The following CDH18 variants were observed in gnomAD, a reference collection of about 807,000 sequenced individuals.
CDH18 encodes the protein cadherin-18.
Under a neutral mutation model 67.9 loss-of-function variants are expected in CDH18, and 31 were observed. The observed-to-expected ratio is 0.46, with a 90% CI of 0.34 to 0.62. The LOEUF (loss-of-function observed/expected upper bound fraction) is 0.62. CDH18 is among the 20% of genes least tolerant of loss of function. The pLI is 0.01. For missense variants in CDH18, 890 were observed against 975.5 expected, an observed-to-expected ratio of 0.91 and a Z score of 1.17; for synonymous variants, 362 against 347.2, an observed-to-expected ratio of 1.04 and a Z score of -0.48.
At chr5:20,417,441 T>C (rs1253311733) in intron 1 of CDH18, among the ~76,000 whole-genome samples, 1 of 152,188 alleles carries the variant, frequency 6.6e-6, no homozygotes, top group Non-Finnish European at 1.5e-5. Context: ...AACTAATATA[T>C]ATTTATGCTT....
chr5:19,604,162 C>A (rs1474440119), intron 6 of CDH18, among the ~76,000 whole-genome samples: 1 of 151,990 alleles, frequency 6.6e-6, no homozygotes, highest in Non-Finnish European at 1.5e-5. Flanking sequence ...AATATACTTT[C>A]TTTTCCTCCA....
chr5:20,007,222 T>C (rs1351061827), intron 2 of CDH18, among the ~76,000 whole-genome samples: 1 of 152,030 alleles, frequency 6.6e-6, no homozygotes, highest in Non-Finnish European at 1.5e-5. Flanking sequence ...AAAGATTTAA[T>C]ATATTACCAA....
chr5:19,663,876 C>T (rs1186264434), intron 5 of CDH18, among the ~76,000 whole-genome samples: 2 of 148,468 alleles, frequency 1.3e-5, no homozygotes, highest in Non-Finnish European at 3.0e-5. Flanking sequence ...ACTTAAAAGA[C>T]TTTTTTTTTT....
At chr5:20,207,912 A>G (rs1740039400) in intron 2 of CDH18, among the ~76,000 whole-genome samples, 1 of 152,124 alleles carries the variant, frequency 6.6e-6, no homozygotes, top group African/African-American at 2.4e-5. Flanking sequence ...CTGACTTCAA[A>G]ATATATTGAA....
At chr5:19,876,846 C>T (rs560087834) in intron 2 of CDH18, among the ~76,000 whole-genome samples, 1 of 152,218 alleles carries the variant, frequency 6.6e-6, no homozygotes, top group South Asian at 2.1e-4. Flanking sequence ...AACTTCCTAA[C>T]CTTCCTTGAA....
chr5:19,725,510 C>G (rs974464887), intron 4 of CDH18, among the ~76,000 whole-genome samples: 14 of 152,162 alleles, frequency 9.2e-5, no homozygotes, highest in Non-Finnish European at 1.8e-4. Context: ...TGGCTCACGC[C>G]TGTAATCCCA....
intron 1 of CDH18, among the ~76,000 whole-genome samples, chr5:20,485,130 C>T (rs1753082732): frequency 6.6e-6 from 1 of 152,146 alleles, no homozygotes; most frequent in South Asian, 2.1e-4. Context: ...CTAGTGCTTT[C>T]ACCCCTGTGT....
At chr5:20,016,178 G>A (rs764812341) in intron 2 of CDH18, among the ~76,000 whole-genome samples, 3 of 152,072 alleles carry the variant, frequency 2.0e-5, no homozygotes, top group Non-Finnish European at 4.4e-5. Flanking sequence ...GGATGGAGCT[G>A]GAGACCATCA....
chr5:19,921,530 CAAA>C (rs1291902430), intron 2 of CDH18, among the ~76,000 whole-genome samples: 3 of 75,122 alleles, frequency 4.0e-5, no homozygotes, highest in Admixed American at 1.5e-4. Context: ...GACTCCGTCT[CAAA>C]AAAAAAAAAA....
chr5:20,097,506 C>G (rs2150571632), intron 2 of CDH18, among the ~76,000 whole-genome samples: 1 of 152,238 alleles, frequency 6.6e-6, no homozygotes, highest in Middle Eastern at 3.4e-3. Flanking sequence ...TTACCTTCCA[C>G]TGGGTCCTTC....
chr5:20,271,723 A>T (rs1745447225), intron 1 of CDH18, among the ~76,000 whole-genome samples: 1 of 152,072 alleles, frequency 6.6e-6, no homozygotes, highest in African/African-American at 2.4e-5. Flanking sequence ...CTCAGGGAAA[A>T]CCAAACCTGC....
chr5:19,837,977 A>T (rs1355080319), intron 3 of CDH18, among the ~76,000 whole-genome samples: 1 of 152,142 alleles, frequency 6.6e-6, no homozygotes, highest in East Asian at 1.9e-4. Flanking sequence ...AGCCTAGATG[A>T]CACATGCTTA....
At chr5:20,315,646 C>T (rs1737395151) in intron 1 of CDH18, among the ~76,000 whole-genome samples, 1 of 152,224 alleles carries the variant, frequency 6.6e-6, no homozygotes, top group African/African-American at 2.4e-5. Flanking sequence ...TGCTTAAGGT[C>T]ATTCCCACAT....
At chr5:20,361,594 A>T (rs1374977274) in intron 1 of CDH18, among the ~76,000 whole-genome samples, 1 of 152,128 alleles carries the variant, frequency 6.6e-6, no homozygotes, top group Admixed American at 6.5e-5. Context: ...ACTAAAACAG[A>T]TAACTAAAAT....
intron 2 of CDH18, among the ~76,000 whole-genome samples, chr5:19,885,817 T>C (rs1788133971): frequency 6.6e-6 from 1 of 152,222 alleles, no homozygotes; most frequent in African/African-American, 2.4e-5. Flanking sequence ...CATGCTAATA[T>C]GCAATGAGTT....
chr5:20,561,265 A>G (rs1382403876), intron 1 of CDH18, among the ~76,000 whole-genome samples: 1 of 152,142 alleles, frequency 6.6e-6, no homozygotes, highest in Non-Finnish European at 1.5e-5. Flanking sequence ...ACTTACCCAA[A>G]TAAGTTGAAC....
intron 2 of CDH18, among the ~76,000 whole-genome samples, chr5:20,201,719 G>A (rs188245142): frequency 7.9e-4 from 120 of 152,220 alleles, no homozygotes; most frequent in African/African-American, 2.8e-3. Context: ...AAGCAAGTAA[G>A]ATGTCCAGAT....
At chr5:20,014,649 GA>G (rs531585545) in intron 2 of CDH18, among the ~76,000 whole-genome samples, 29 of 152,232 alleles carry the variant, frequency 1.9e-4, no homozygotes, top group African/African-American at 7.0e-4. Flanking sequence ...CATCTTCTTA[GA>G]AAATCATTTT....
intron 2 of CDH18, among the ~76,000 whole-genome samples, chr5:20,135,893 T>C (rs1191499302): frequency 3.3e-5 from 5 of 152,228 alleles, no homozygotes; most frequent in African/African-American, 4.8e-5. Context: ...TCCATGTAGT[T>C]GTGCAGTTTT....
Sources: allele counts gnomAD v4.1 joint callset (sites outside exome capture counted in the v4.1 genomes callset), GRCh38; gene constraint gnomAD v4.1.1; transcripts MANE v1.5; gene names NCBI Gene and HGNC (gene_info 2026-07-23, HGNC 2026-07-21).